The following SNTB1 variants were observed in gnomAD, a reference collection of about 807,000 sequenced individuals.
SNTB1 encodes the protein beta-1-syntrophin.
SNTB1 carries 36 observed loss-of-function variants against 48.9 expected under a neutral mutation model. The observed-to-expected ratio is 0.74, with a 90% CI of 0.56 to 0.97. The LOEUF is 0.97. Among genes scored for constraint, SNTB1 ranks in the 50% least tolerant of loss-of-function variants. The pLI, the probability that SNTB1 is intolerant of heterozygous loss-of-function variation, is 0.00. For synonymous variants in SNTB1, 299 were observed against 294.6 expected, an observed-to-expected ratio of 1.01 and a Z score of -0.15; for missense variants, 786 against 703.4, an observed-to-expected ratio of 1.12 and a Z score of -1.33.
intron 1 of SNTB1, among the ~76,000 whole-genome samples, chr8:120,807,094 C>T (rs1370550922): frequency 6.6e-6 from 1 of 152,182 alleles, no homozygotes; most frequent in African/African-American, 2.4e-5. Flanking sequence ...AGTTCAGTTC[C>T]ATAGGAGACC....
At chr8:120,633,542 T>C (rs1424738875) in intron 2 of SNTB1, among the ~76,000 whole-genome samples, 1 of 151,994 alleles carries the variant, frequency 6.6e-6, no homozygotes, top group Non-Finnish European at 1.5e-5. Context: ...GAGGCAGAAG[T>C]TGCAGTGAGC....
At chr8:120,571,431 C>T (rs752160890) in intron 4 of SNTB1, 13 of 862,102 alleles carry the variant, frequency 1.5e-5, no homozygotes, top group Non-Finnish European at 2.2e-5. Flanking sequence ...AAGGCACAGC[C>T]TGAGTCTTTG....
chr8:120,602,415 G>C (rs1414709620), intron 3 of SNTB1, among the ~76,000 whole-genome samples: 1 of 152,210 alleles, frequency 6.6e-6, no homozygotes, highest in Non-Finnish European at 1.5e-5. Flanking sequence ...GAGTAAAGCA[G>C]ATGACCTTCC....
intron 2 of SNTB1, among the ~76,000 whole-genome samples, chr8:120,649,702 G>A (rs1418173833): frequency 6.6e-6 from 1 of 151,798 alleles, no homozygotes; most frequent in African/African-American, 2.4e-5. Context: ...CACCCAGTTC[G>A]AGCTTCCCGG....
intron 4 of SNTB1, 130 bp downstream of exon 4, chr8:120,574,956 G>T: frequency 9.3e-7 from 1 of 1,080,408 alleles, no homozygotes; most frequent in Non-Finnish European, 1.3e-6. Context: ...AAAATGTGTG[G>T]CTATATTCTT....
chr8:120,546,451 A>G lies in SNTB1; in HGVS notation c.1333+2311T>C, dbSNP rs560496930. Among the ~76,000 whole-genome samples the G allele has an allele frequency of 7.8e-4, 119 of 152,058 alleles. 1 individual carries two copies. Among genetic ancestry groups the G allele is most frequent in the South Asian group, 2.5e-3 (12 of 4,806 alleles). On this transcript the variant is annotated intron_variant, in intron 5 of 6. Transcript: ENST00000517992. ...ACCTAGTAATGTTACCTAAGATTTGATATTACTTTTCCATTCTCTTTTTTT... is the reference window on the plus strand; with the variant it reads ...ACCTAGTAATGTTACCTAAGATTTGGTATTACTTTTCCATTCTCTTTTTTT...
chr8:120,693,971 T>C (rs977298148), intron 1 of SNTB1, 63 bp from the exon 2 acceptor site: 85 of 1,299,040 alleles, frequency 6.5e-5, no homozygotes, highest in Middle Eastern at 1.8e-4. Context: ...GGAAGTCTGA[T>C]TGTGTTTCTG....
chr8:120,548,996 A>G (rs1815433328), intron 4 of SNTB1, 38 bp from the exon 5 acceptor site: 1 of 1,495,178 alleles, frequency 6.7e-7, no homozygotes, highest in African/African-American at 1.4e-5. Flanking sequence ...CAAAATGGAG[A>G]CTAGTTTATT....
At chr8:120,701,216 AC>A (rs1299163335) in intron 1 of SNTB1, among the ~76,000 whole-genome samples, 1 of 152,212 alleles carries the variant, frequency 6.6e-6, no homozygotes, top group Non-Finnish European at 1.5e-5. Flanking sequence ...TGAAAGAGGT[AC>A]TATGTTTCTC....
rs1290176162 is a variant in SNTB1, at chr8:120,538,823, G to T, written c.*54C>A. 4 of 1,394,686 alleles carry T rather than the reference G, an allele frequency of 2.9e-6. No individual in the cohort carries two copies. The highest frequency in any genetic ancestry group is 4.1e-6 in the Non-Finnish European group (4 of 980,318). 86.4% of individuals were successfully genotyped at this position (1,394,686 alleles called of 1,614,324 possible). A position where few individuals can be genotyped will look rare whatever the true frequency, so the allele number is the denominator to read the frequency against. On this transcript the variant is annotated 3_prime_UTR_variant, in exon 7 of 7. Coordinates refer to ENST00000517992, the MANE Select transcript of SNTB1 (RefSeq NM_021021.4). ...CACTACAGATGGTGTCTGACATCAC[G>T]TTCTCTGGTGGCATTGCAGCCCTTC...
intron 1 of SNTB1, among the ~76,000 whole-genome samples, chr8:120,709,367 T>C (rs1818426236): frequency 1.3e-5 from 2 of 152,240 alleles, no homozygotes; most frequent in Middle Eastern, 6.8e-3. Flanking sequence ...ATTTCAGTTT[T>C]GGAGATGTGA....
chr8:120,804,136 A>G (rs1820283260), intron 1 of SNTB1, among the ~76,000 whole-genome samples: 1 of 152,064 alleles, frequency 6.6e-6, no homozygotes, highest in African/African-American at 2.4e-5. Flanking sequence ...TGTGAGTCAT[A>G]AAACGGGCAA....
chr8:120,755,032 A>G (rs1184408257), intron 1 of SNTB1, among the ~76,000 whole-genome samples: 1 of 152,092 alleles, frequency 6.6e-6, no homozygotes, highest in African/African-American at 2.4e-5. Context: ...ATCCGAGGCA[A>G]TGGTGTTGGT....
chr8:120,631,933 C>A (rs1281924635), intron 3 of SNTB1, among the ~76,000 whole-genome samples: 1 of 152,034 alleles, frequency 6.6e-6, no homozygotes, highest in Non-Finnish European at 1.5e-5. Flanking sequence ...GGCTTAAGAG[C>A]ATAAATAAAA....
intron 1 of SNTB1, among the ~76,000 whole-genome samples, chr8:120,723,586 G>A (rs1160341018): frequency 6.6e-6 from 1 of 152,124 alleles, no homozygotes; most frequent in Non-Finnish European, 1.5e-5. Flanking sequence ...TTGGCCAGGA[G>A]ACACATATAC....
chr8:120,547,450 A>G (rs138069176), intron 5 of SNTB1, among the ~76,000 whole-genome samples: 2,686 of 152,196 alleles, frequency 0.018, 45 homozygotes, highest in Non-Finnish European at 0.03. Context: ...TACAAAAATT[A>G]GCTGGGCATG....
At chr8:120,642,029 C>T (rs1193532202) in intron 2 of SNTB1, among the ~76,000 whole-genome samples, 1 of 152,162 alleles carries the variant, frequency 6.6e-6, no homozygotes, top group Non-Finnish European at 1.5e-5. Flanking sequence ...ATTATAGGTT[C>T]CCATCTCAGG....
chr8:120,682,886 T>TG (rs1456528263), intron 2 of SNTB1, among the ~76,000 whole-genome samples: 3 of 148,080 alleles, frequency 2.0e-5, no homozygotes, highest in African/African-American at 7.6e-5. Context: ...TTTAGTTTTT[T>TG]TTTTTTTTTT....
chr8:120,692,293 C>A (rs574448775), intron 2 of SNTB1, among the ~76,000 whole-genome samples: 1 of 152,094 alleles, frequency 6.6e-6, no homozygotes, highest in African/African-American at 2.4e-5. Flanking sequence ...CCCCTATTCC[C>A]GATGGCTTTT....
Sources: allele counts gnomAD v4.1 joint callset (sites outside exome capture counted in the v4.1 genomes callset), GRCh38; gene constraint gnomAD v4.1.1; transcripts MANE v1.5; gene names NCBI Gene and HGNC (gene_info 2026-07-23, HGNC 2026-07-21).